ZFAT: variants seen among roughly 807,000 people sequenced by gnomAD.
ZFAT encodes the protein zinc finger and AT-hook domain containing.
A neutral mutation model predicts 117.7 loss-of-function variants in ZFAT; 64 were observed. The ratio of observed to expected loss-of-function variants is 0.54; its 90% CI spans 0.44 to 0.67. ZFAT has a LOEUF of 0.67. ZFAT is among the 30% of genes least tolerant of loss of function. The pLI, the probability that ZFAT is intolerant of heterozygous loss-of-function variation, is 0.00. For missense variants in ZFAT, 1,433 were observed against 1,584.5 expected (o/e 0.90, Z 1.62); for synonymous variants, 679 against 615.0 (o/e 1.10, Z -1.54).
intron 11 of ZFAT, chr8:134,564,962 A>G: frequency 8.1e-7 from 1 of 1,227,562 alleles, no homozygotes; most frequent in Middle Eastern, 2.3e-4. Flanking sequence ...GGGCTTCATC[A>G]CACCTGCTTT....
chr8:134,585,332 C>T (rs1039846878), intron 9 of ZFAT, among the ~76,000 whole-genome samples: 1 of 152,112 alleles, frequency 6.6e-6, no homozygotes, highest in African/African-American at 2.4e-5. Flanking sequence ...AGAGGAGAAG[C>T]CCACACAAAC....
At chr8:134,642,486 T>C (rs539552657) in intron 2 of ZFAT, among the ~76,000 whole-genome samples, 3 of 152,336 alleles carry the variant, frequency 2.0e-5, no homozygotes, top group African/African-American at 4.8e-5. Context: ...TTTAATATTA[T>C]GGCCATAGTC....
intron 15 of ZFAT, among the ~76,000 whole-genome samples, chr8:134,501,965 A>C (rs1165021134): frequency 6.6e-6 from 1 of 152,220 alleles, no homozygotes; most frequent in Non-Finnish European, 1.5e-5. Context: ...CTTACACCAC[A>C]ATCTGTAAAG....
At chr8:134,755,537 T>C in the ZFAT span, among the ~76,000 whole-genome samples, 1 of 151,242 alleles carries the variant, frequency 6.6e-6, no homozygotes, top group Non-Finnish European at 1.5e-5. Flanking sequence ...TCCTGCCTGG[T>C]GCGGTGGCTC....
At chr8:134,767,736 G>A in the ZFAT span, among the ~76,000 whole-genome samples, 7 of 152,082 alleles carry the variant, frequency 4.6e-5, no homozygotes, top group Non-Finnish European at 1.0e-4. Context: ...TTTTTTAAAG[G>A]TAAGCACTCT....
intron 15 of ZFAT, among the ~76,000 whole-genome samples, chr8:134,498,378 T>A (rs1180127962): frequency 9.8e-6 from 1 of 101,562 alleles, no homozygotes; most frequent in Non-Finnish European, 1.9e-5. Flanking sequence ...TTTGGTAGGG[T>A]TGGGGTGGAA....
chr8:134,516,189 C>A (rs1820239997), intron 13 of ZFAT, among the ~76,000 whole-genome samples: 1 of 152,344 alleles, frequency 6.6e-6, no homozygotes, highest in Non-Finnish European at 1.5e-5. Flanking sequence ...GATTGCATCA[C>A]CATGGAATTG....
intron 12 of ZFAT, among the ~76,000 whole-genome samples, chr8:134,528,633 TCTC>T (rs1406641234): frequency 4.6e-5 from 7 of 152,330 alleles, no homozygotes; most frequent in African/African-American, 1.2e-4. Context: ...CCTTGACACT[TCTC>T]CTCTTATTGC....
chr8:134,520,617 A>G (rs1030517032), intron 13 of ZFAT, among the ~76,000 whole-genome samples: 10 of 152,210 alleles, frequency 6.6e-5, no homozygotes, highest in Admixed American at 5.2e-4. Flanking sequence ...TGTGAATAAC[A>G]TAAGTAAAAG....
chr8:134,810,290 T>C, the ZFAT span, among the ~76,000 whole-genome samples: 5 of 152,026 alleles, frequency 3.3e-5, no homozygotes, highest in African/African-American at 1.2e-4. Flanking sequence ...CAAAAAGAGA[T>C]TTCAGAAAAT....
At chr8:134,636,236 C>T (rs1202325719) in intron 3 of ZFAT, among the ~76,000 whole-genome samples, 1 of 152,148 alleles carries the variant, frequency 6.6e-6, no homozygotes, top group Non-Finnish European at 1.5e-5. Flanking sequence ...AGTAGGATGG[C>T]CTGGGTTCAA....
intron 15 of ZFAT, among the ~76,000 whole-genome samples, chr8:134,486,958 C>G (rs1817698659): frequency 6.6e-6 from 1 of 152,090 alleles, no homozygotes; most frequent in Non-Finnish European, 1.5e-5. Context: ...ATGTGTATAT[C>G]TGTATGTACA....
At chr8:134,801,191 C>A in the ZFAT span, among the ~76,000 whole-genome samples, 1 of 152,108 alleles carries the variant, frequency 6.6e-6, no homozygotes, top group African/African-American at 2.4e-5. Context: ...TCTTCTCCCC[C>A]ACATTCAGAA....
At chr8:134,635,720 A>T (rs1830172685) in intron 3 of ZFAT, among the ~76,000 whole-genome samples, 1 of 151,998 alleles carries the variant, frequency 6.6e-6, no homozygotes, top group Non-Finnish European at 1.5e-5. Flanking sequence ...AGACTCTGTA[A>T]CCCAAATCCA....
upstream of ZFAT, among the ~76,000 whole-genome samples, chr8:134,716,143 T>TTATATA (rs375486869): frequency 0.03 from 4,243 of 142,114 alleles, 208 homozygotes; most frequent in African/African-American, 0.1. Flanking sequence ...TAAAATTTAT[T>TTATATA]TATATATATA....
chr8:134,764,529 A>C, the ZFAT span, among the ~76,000 whole-genome samples: 15 of 152,226 alleles, frequency 9.9e-5, no homozygotes, highest in African/African-American at 3.4e-4. Flanking sequence ...TTTTCCTGGA[A>C]AATAAATTAG....
chr8:134,696,181 C>T (rs867383798), intron 1 of ZFAT, among the ~76,000 whole-genome samples: 6 of 152,076 alleles, frequency 3.9e-5, no homozygotes, highest in Middle Eastern at 6.8e-3. Context: ...GGCCCTGGCC[C>T]CATCTCTAAC....
chr8:134,639,645 C>A (rs560997014), intron 2 of ZFAT: 2 of 455,514 alleles, frequency 4.4e-6, no homozygotes, highest in South Asian at 3.1e-5. Context: ...GAGTAAGAAA[C>A]CATTTCCCTT....
At chr8:134,789,745 GT>G in the ZFAT span, among the ~76,000 whole-genome samples, 1 of 152,174 alleles carries the variant, frequency 6.6e-6, no homozygotes, top group Non-Finnish European at 1.5e-5. Context: ...AAGCACAACA[GT>G]TTAAGCCAAT....
Sources: allele counts gnomAD v4.1 joint callset (sites outside exome capture counted in the v4.1 genomes callset), GRCh38; gene constraint gnomAD v4.1.1; transcripts MANE v1.5; gene names NCBI Gene and HGNC (gene_info 2026-07-23, HGNC 2026-07-21).